Variants in SLC6A17 observed in about 807,000 individuals in gnomAD.
SLC6A17 encodes the protein solute carrier family 6 member 17, also known as sodium-dependent neutral amino acid transporter SLC6A17.
SLC6A17 carries 21 observed loss-of-function variants against 64.5 expected under a neutral mutation model. The ratio of observed to expected loss-of-function variants is 0.33; its 90% CI spans 0.23 to 0.47. SLC6A17 has a LOEUF of 0.47. Ranked by LOEUF, SLC6A17 falls within the 20% of genes least tolerant of loss-of-function variation. The pLI, the probability that SLC6A17 is intolerant of heterozygous loss-of-function variation, is 1.00. For missense variants in SLC6A17, 682 were observed against 963.2 expected (o/e 0.71, Z 3.86); for synonymous variants, 372 against 399.5 (o/e 0.93, Z 0.82).
intron 1 of SLC6A17, among the ~76,000 whole-genome samples, chr1:110,165,311 G>A (rs1039545495): frequency 6.6e-5 from 10 of 152,150 alleles, no homozygotes; most frequent in South Asian, 2.1e-4. Context: ...AGTGCCACCC[G>A]TGGGGCACCT....
At chr1:110,172,840 C>T (rs1405872679) in intron 3 of SLC6A17, among the ~76,000 whole-genome samples, 2 of 152,216 alleles carry the variant, frequency 1.3e-5, no homozygotes, top group Admixed American at 1.3e-4. Context: ...AGATGAGAAC[C>T]TGCTCAGAGC....
At chr1:110,167,626 A>G (rs1469193342) in intron 2 of SLC6A17, among the ~76,000 whole-genome samples, 2 of 152,342 alleles carry the variant, frequency 1.3e-5, no homozygotes, top group South Asian at 2.1e-4. Context: ...GTTGGCCATT[A>G]TTACTAAATG....
chr1:110,172,258 G>A, intron 3 of SLC6A17, 41 bp downstream of exon 3: 1 of 1,542,902 alleles, frequency 6.5e-7, no homozygotes, highest in Non-Finnish European at 8.7e-7. Flanking sequence ...GGGAGGCAGG[G>A]GGCTGCTCCT....
chr1:110,170,530 G>A (rs1656193267), intron 2 of SLC6A17, among the ~76,000 whole-genome samples: 1 of 152,192 alleles, frequency 6.6e-6, no homozygotes, highest in African/African-American at 2.4e-5. Flanking sequence ...TTGCCTTCCT[G>A]CAGCAGATCA....
chr1:110,191,832 T>C (rs2100947422), intron 6 of SLC6A17, 140 bp from the exon 7 acceptor site: 1 of 1,375,346 alleles, frequency 7.3e-7, no homozygotes, highest in East Asian at 2.3e-5. Context: ...GTAGGGAAAT[T>C]GCCCAAGTTC....
chr1:110,185,177 G>A (rs551638820), intron 6 of SLC6A17, among the ~76,000 whole-genome samples: 1 of 152,216 alleles, frequency 6.6e-6, no homozygotes, highest in Non-Finnish European at 1.5e-5. Context: ...TTGCCCTGAG[G>A]GTCTCAGTTT....
At position 110,150,690 on chromosome 1, in the gene SLC6A17, T is replaced by G. The variant is rs1240516408; in HGVS notation, c.-281T>G. 2 of 152,056 alleles carry G rather than the reference T, an allele frequency of 1.3e-5. No homozygotes were observed. Among genetic ancestry groups the G allele is most frequent in the Non-Finnish European group, 2.9e-5 (2 of 67,980 alleles). The allele number at this position is 152,056 out of a possible 1,614,324, so 9.4% of individuals were successfully genotyped here. A position where few individuals can be genotyped will look rare whatever the true frequency, so the allele number is the denominator to read the frequency against. The stretch of plus-strand genomic sequence containing the variant: ...GAGCGCGCGGCGGGCGGGAGCCAGG[T>G]TGGGACTGGTGGTGAGGCAGGGAGT... On this transcript the variant is annotated 5_prime_UTR_variant, in exon 1 of 12. Transcript: ENST00000331565.
At chr1:110,171,939 T>C (rs1656235659) in intron 2 of SLC6A17, 121 bp from the exon 3 acceptor site, 2 of 1,304,402 alleles carry the variant, frequency 1.5e-6, no homozygotes, top group Non-Finnish European at 2.1e-6. Flanking sequence ...GCACCGGGAC[T>C]GGTGACAATT....
At chr1:110,157,688 C>T (rs922807919) in intron 1 of SLC6A17, among the ~76,000 whole-genome samples, 1 of 152,202 alleles carries the variant, frequency 6.6e-6, no homozygotes, top group Non-Finnish European at 1.5e-5. Context: ...AAAACCCCAA[C>T]TCCTTTCCAT....
rs1163243827 is a variant in SLC6A17 at position 110,201,573 on chromosome 1, G to A, written c.*3129G>A. Reference sequence around the variant, plus strand: ...AACATGAAGCCCGAGGCCCAGATGGGGGCTGAACAGGTAGGGCACATCAGT... The same window carrying A: ...AACATGAAGCCCGAGGCCCAGATGGAGGCTGAACAGGTAGGGCACATCAGT... On this transcript the variant is annotated 3_prime_UTR_variant, in exon 12 of 12. Transcript: ENST00000331565. 1 of 152,202 alleles carries A rather than the reference G, an allele frequency of 6.6e-6. No homozygotes were observed. The highest frequency in any genetic ancestry group is 1.9e-4 in the East Asian group (1 of 5,198). The allele number at this position is 152,202 out of a possible 1,614,324, so 9.4% of individuals were successfully genotyped here. A position where few individuals can be genotyped will look rare whatever the true frequency, so the allele number is the denominator to read the frequency against.
At chr1:110,159,053 A>G (rs1655831676) in intron 1 of SLC6A17, among the ~76,000 whole-genome samples, 3 of 152,216 alleles carry the variant, frequency 2.0e-5, no homozygotes, top group African/African-American at 7.2e-5. Flanking sequence ...AAATGGGAGT[A>G]ACAGTGGTAT....
Position 110,174,874 on chromosome 1 carries a change from C to A in SLC6A17, c.667C>A (p.Leu223Ile). 6.2e-7 allele frequency: 1 copy of A among 1,614,200 alleles called. No individual in the cohort carries two copies. Among genetic ancestry groups the A allele is most frequent in the Non-Finnish European group, 8.5e-7 (1 of 1,180,036 alleles). ...ISDSISESGG[L>I]NWKMTLCLLV... ...TGACTCCATCTCGGAGAGTGGGGGC[C>A]TCAACTGGAAGATGACCCTGTGCCT... is the stretch of plus-strand genomic sequence containing the variant. Residue 223 changes from leucine to isoleucine, a missense_variant, in exon 5 of 12, where the codon CTC becomes ATC. Leu to Ile is a conservative substitution (Grantham distance 5). Transcript: ENST00000331565.
intron 10 of SLC6A17, among the ~76,000 whole-genome samples, chr1:110,197,035 G>C (rs1035982428): frequency 1.3e-5 from 2 of 152,150 alleles, no homozygotes; most frequent in Non-Finnish European, 2.9e-5. Context: ...CCCTGAGTCA[G>C]GGCAGCTCTC....
intron 1 of SLC6A17, among the ~76,000 whole-genome samples, chr1:110,151,249 G>T (rs1035103040): frequency 7.2e-5 from 11 of 152,196 alleles, no homozygotes; most frequent in Non-Finnish European, 1.6e-4. Context: ...CCCATCCGCG[G>T]CTTGAAACTG....
At chr1:110,181,674 C>T (rs1417014552) in intron 6 of SLC6A17, among the ~76,000 whole-genome samples, 1 of 152,192 alleles carries the variant, frequency 6.6e-6, no homozygotes, top group East Asian at 1.9e-4. Context: ...ATGGACAGTA[C>T]CGTCAAGGAA....
intron 2 of SLC6A17, among the ~76,000 whole-genome samples, chr1:110,170,894 G>A (rs554895939): frequency 2.0e-5 from 3 of 152,172 alleles, no homozygotes; most frequent in East Asian, 3.9e-4. Context: ...TATTGCTCAC[G>A]TGACTCTGCC....
chr1:110,185,023 C>T (rs1161675152), intron 6 of SLC6A17, among the ~76,000 whole-genome samples: 1 of 152,122 alleles, frequency 6.6e-6, no homozygotes, highest in African/African-American at 2.4e-5. Context: ...AGGGGTGGAG[C>T]TTCTTGACTC....
chr1:110,186,621 C>G (rs1437806081), intron 6 of SLC6A17, among the ~76,000 whole-genome samples: 4 of 152,266 alleles, frequency 2.6e-5, no homozygotes, highest in African/African-American at 9.6e-5. Context: ...CTGGTCCCTC[C>G]TGCTCAGCTC....
At chr1:110,197,368 T>C (rs897254011) in intron 10 of SLC6A17, 69 bp from the exon 11 acceptor site, 18 of 1,535,706 alleles carry the variant, frequency 1.2e-5, no homozygotes, top group Admixed American at 8.1e-5. Flanking sequence ...CTGGAGGAGA[T>C]GGTGATGGGG....
Sources: gnomAD v4.1 joint callset for allele counts (sites outside exome capture counted in the v4.1 genomes callset) on GRCh38, gnomAD v4.1.1 for gene constraint, MANE v1.5 for transcripts, NCBI Gene and HGNC (gene_info 2026-07-23, HGNC 2026-07-21) for gene names.